The following PLPPR1 variants were observed in gnomAD, a reference collection of about 807,000 sequenced individuals.
The protein encoded by PLPPR1 is phospholipid phosphatase-related protein type 1.
Under a neutral mutation model 33.1 loss-of-function variants are expected in PLPPR1, and 10 were observed. That is an observed-to-expected ratio of 0.30 (90% confidence interval 0.19 to 0.51). The LOEUF (loss-of-function observed/expected upper bound fraction) is 0.51, where lower values mean the gene tolerates loss of function less well. Among genes scored for constraint, PLPPR1 ranks in the 20% least tolerant of loss-of-function variants. PLPPR1 has a pLI of 0.97. For synonymous variants in PLPPR1, 151 were observed against 151.0 expected, an observed-to-expected ratio of 1.00 and a Z score of 0.00; for missense variants, 304 against 408.1, an observed-to-expected ratio of 0.74 and a Z score of 2.20.
chr9:101,095,264 T>G (rs1269888321), intron 1 of PLPPR1, among the ~76,000 whole-genome samples: 1 of 121,694 alleles, frequency 8.2e-6, no homozygotes, highest in Non-Finnish European at 1.9e-5. Context: ...GGGACTTCTA[T>G]TCATTCCCCA....
intron 2 of PLPPR1, among the ~76,000 whole-genome samples, chr9:101,268,194 A>G (rs1280004317): frequency 2.6e-5 from 4 of 152,110 alleles, no homozygotes; most frequent in Non-Finnish European, 2.9e-5. Flanking sequence ...TGGCACATGT[A>G]TATATATGTA....
At chr9:101,240,837 T>C (rs1188321529) in intron 2 of PLPPR1, among the ~76,000 whole-genome samples, 1 of 152,078 alleles carries the variant, frequency 6.6e-6, no homozygotes, top group Non-Finnish European at 1.5e-5. Flanking sequence ...GCCCTGCCAC[T>C]TCAGGCAGAT....
Position 101,302,256 on chromosome 9 carries a change from A to G in PLPPR1, c.386-6955A>G, listed in dbSNP as rs74941111. Among the ~76,000 whole-genome samples, 702 of 152,354 alleles carry G rather than the reference A, an allele frequency of 4.6e-3. 4 individuals are homozygous for G. The highest frequency in any genetic ancestry group is 9.7e-3 in the South Asian group (47 of 4,830). ...ATACTTTGTATGTACTAAGCACAGC[A>G]TATTAGCTATTGTTATTATTACCTG... On this transcript the variant is annotated intron_variant, in intron 4 of 7. Coordinates refer to ENST00000374874, the MANE Select transcript of PLPPR1 (RefSeq NM_207299.2).
intron 3 of PLPPR1, among the ~76,000 whole-genome samples, chr9:101,277,127 C>A (rs1392647184): frequency 1.3e-5 from 2 of 152,154 alleles, no homozygotes; most frequent in Non-Finnish European, 2.9e-5. Flanking sequence ...TAAACAAAAT[C>A]TAAAACAAAA....
intron 1 of PLPPR1, among the ~76,000 whole-genome samples, chr9:101,143,598 C>A (rs1426705628): frequency 6.6e-6 from 1 of 152,154 alleles, no homozygotes; most frequent in African/African-American, 2.4e-5. Context: ...AATCAAACGA[C>A]CCCATCAAAA....
At position 101,277,894 on chromosome 9, in the gene PLPPR1, A is replaced by G. The variant is rs545086767; in HGVS notation, c.252+7826A>G. 3.9e-5 allele frequency among the ~76,000 whole-genome samples: 6 copies of G among 152,320 alleles called. No individual in the cohort carries two copies. The East Asian group carries it at 1.2e-3, about 29-fold the overall frequency. On this transcript the variant is annotated intron_variant, in intron 3 of 7. Transcript: ENST00000374874. The stretch of plus-strand genomic sequence containing the variant: ...CATTCACTTTTTAATCCTCTCAACA[A>G]CTATGTAATACAGTCACTACTTTCA...
chr9:101,198,204 A>T (rs1384717289), intron 2 of PLPPR1, among the ~76,000 whole-genome samples: 1 of 152,170 alleles, frequency 6.6e-6, no homozygotes, highest in African/African-American at 2.4e-5. Context: ...TTTGTGGTGC[A>T]TGTACATCAG....
chr9:101,282,250 A>G (rs980459309), intron 3 of PLPPR1, among the ~76,000 whole-genome samples: 2 of 152,228 alleles, frequency 1.3e-5, no homozygotes, highest in Non-Finnish European at 2.9e-5. Flanking sequence ...GGGTGCAAAG[A>G]TGGTTCAACA....
rs73656135 is a variant in PLPPR1, at chr9:101,069,246, T to C, written c.-46+40144T>C. Among the ~76,000 whole-genome samples the C allele has an allele frequency of 1.6e-3, 251 of 152,146 alleles. 2 individuals carry two copies. The highest frequency in any genetic ancestry group is 5.1e-3 in the African/African-American group (212 of 41,530). ...GTAACCACCTTTTTAAATCCTGTAA[T>C]AGAGCAACAACCAACATGTTAGATA... On this transcript the variant is annotated intron_variant, in intron 1 of 7. Coordinates refer to ENST00000374874, the MANE Select transcript of PLPPR1 (RefSeq NM_207299.2).
intron 3 of PLPPR1, among the ~76,000 whole-genome samples, chr9:101,280,168 T>C (rs972947504): frequency 6.6e-6 from 1 of 152,024 alleles, no homozygotes; most frequent in Non-Finnish European, 1.5e-5. Context: ...CAGCTATATG[T>C]CAATAAATTG....
chr9:101,241,714 A>C (rs1223243965), intron 2 of PLPPR1, among the ~76,000 whole-genome samples: 1 of 152,084 alleles, frequency 6.6e-6, no homozygotes, highest in Non-Finnish European at 1.5e-5. Flanking sequence ...GAAGGAGCTA[A>C]CAGCTGGAGG....
At chr9:101,180,153 C>CACAT (rs1564167639) in intron 1 of PLPPR1, among the ~76,000 whole-genome samples, 2 of 133,688 alleles carry the variant, frequency 1.5e-5, no homozygotes, top group African/African-American at 5.5e-5. Flanking sequence ...TACACACACA[C>CACAT]ACACACACAT....
chr9:101,058,973 C>T (rs1156361821), intron 1 of PLPPR1, among the ~76,000 whole-genome samples: 1 of 152,108 alleles, frequency 6.6e-6, no homozygotes, highest in Non-Finnish European at 1.5e-5. Context: ...ATATTACTCC[C>T]ACCTAAAAGT....
At chr9:101,082,136 A>G (rs538651952) in intron 1 of PLPPR1, among the ~76,000 whole-genome samples, 1 of 152,302 alleles carries the variant, frequency 6.6e-6, no homozygotes, top group South Asian at 2.1e-4. Flanking sequence ...GTGGAGGGGA[A>G]TAAGGGGCTC....
chr9:101,051,290 A>G (rs78084895), intron 1 of PLPPR1, among the ~76,000 whole-genome samples: 1,762 of 151,952 alleles, frequency 0.012, 14 homozygotes, highest in Middle Eastern at 0.049. Flanking sequence ...TACTACTACT[A>G]CTACCACTAC....
At chr9:101,168,500 GA>G (rs1825893188) in intron 1 of PLPPR1, among the ~76,000 whole-genome samples, 1 of 152,018 alleles carries the variant, frequency 6.6e-6, no homozygotes, top group Non-Finnish European at 1.5e-5. Context: ...ATCATCCATG[GA>G]AAAATTCTAC....
At chr9:101,294,524 C>A (rs1159439632) in intron 4 of PLPPR1, among the ~76,000 whole-genome samples, 14 of 150,582 alleles carry the variant, frequency 9.3e-5, no homozygotes, top group Admixed American at 1.3e-4. Context: ...GACCAATATC[C>A]TTGATGAACA....
chr9:101,265,929 G>C (rs1251934984), intron 2 of PLPPR1, among the ~76,000 whole-genome samples: 2 of 152,040 alleles, frequency 1.3e-5, no homozygotes, highest in African/African-American at 4.8e-5. Flanking sequence ...CTGGGAGGCA[G>C]AGGTTGCAGT....
chr9:101,302,120 T>C (rs1406282447), intron 4 of PLPPR1, among the ~76,000 whole-genome samples: 1 of 152,248 alleles, frequency 6.6e-6, no homozygotes, highest in African/African-American at 2.4e-5. Context: ...GTCAAGTTAA[T>C]TGACTTCTCT....
Sources: allele counts gnomAD v4.1 joint callset (sites outside exome capture counted in the v4.1 genomes callset), GRCh38; gene constraint gnomAD v4.1.1; transcripts MANE v1.5; gene names NCBI Gene and HGNC (gene_info 2026-07-23, HGNC 2026-07-21).